Variants in MID1 observed in about 807,000 individuals in gnomAD.
The protein encoded by MID1 is midline 1, also known as E3 ubiquitin-protein ligase Midline-1.
Under a neutral mutation model 40.4 loss-of-function variants are expected in MID1, and 7 were observed. The ratio of observed to expected loss-of-function variants is 0.17; its 90% CI spans 0.10 to 0.33. The LOEUF is 0.33. MID1 is among the 10% of genes least tolerant of loss of function. The probability of loss-of-function intolerance (pLI) is 1.00; values close to 1 mark genes in which losing one functional copy is unlikely to be tolerated. For missense variants in MID1, 367 were observed against 558.5 expected, an observed-to-expected ratio of 0.66 and a Z score of 3.46; for synonymous variants, 229 against 221.2, an observed-to-expected ratio of 1.04 and a Z score of -0.31.
At chrX:10,581,722 A>G (rs1308669788) in intron 1 of MID1, among the ~76,000 whole-genome samples, 1 of 112,386 alleles carries the variant, frequency 8.9e-6, no homozygotes, top group Non-Finnish European at 1.9e-5. Flanking sequence ...CAGTATGTGA[A>G]TGTGAAATGA....
intron 1 of MID1, among the ~76,000 whole-genome samples, chrX:10,742,026 T>C (rs964636843): frequency 9.0e-6 from 1 of 111,151 alleles, no homozygotes; most frequent in African/African-American, 3.3e-5. Flanking sequence ...ATTTTCCAAC[T>C]CAGGTCCTTT....
At chrX:10,635,234 T>C (rs901044666) in intron 1 of MID1, among the ~76,000 whole-genome samples, 1 of 112,167 alleles carries the variant, frequency 8.9e-6, no homozygotes, top group African/African-American at 3.2e-5. Context: ...TGACATACTG[T>C]AGCTGCCAGT....
chrX:10,480,496 G>C (rs962574097), intron 5 of MID1, among the ~76,000 whole-genome samples: 1 of 112,485 alleles, frequency 8.9e-6, no homozygotes, highest in Admixed American at 9.4e-5. Context: ...TTCATAGATG[G>C]AGAAAAGTAC....
rs1204351766 is a variant in MID1, at chrX:10,641,723, T to A, written c.-186-21304A>T. On this transcript the variant is annotated intron_variant, in intron 1 of 10. Coordinates refer to the MID1 transcript ENST00000380785. ...GCAGAGACACAACAAAAAAAGAGAA[T>A]TTTAGACCAATATCCCTGATGAACA... Among the ~76,000 whole-genome samples, 9 of 111,630 alleles carry A rather than the reference T, an allele frequency of 8.1e-5. 1 individual carries two copies. The highest frequency in any genetic ancestry group is 1.7e-4 in the Non-Finnish European group (9 of 53,141).
chrX:10,725,416 C>A (rs1026987217), intron 1 of MID1, among the ~76,000 whole-genome samples: 1 of 110,983 alleles, frequency 9.0e-6, no homozygotes, highest in Non-Finnish European at 1.9e-5. Context: ...ATATTTTTCC[C>A]GAGGGAAAAA....
At chrX:10,831,879 A>C (rs1655168897) in intron 1 of MID1, among the ~76,000 whole-genome samples, 1 of 112,204 alleles carries the variant, frequency 8.9e-6, no homozygotes, top group African/African-American at 3.2e-5. Flanking sequence ...GTACATATCA[A>C]CTCACAGGAA....
At chrX:10,725,264 CT>C (rs1172839381) in intron 1 of MID1, among the ~76,000 whole-genome samples, 1 of 111,827 alleles carries the variant, frequency 8.9e-6, no homozygotes, top group African/African-American at 3.3e-5. Flanking sequence ...AGCTATACTT[CT>C]TTGTACCGCT....
At chrX:10,656,839 C>T (rs1049786901) in intron 1 of MID1, among the ~76,000 whole-genome samples, 6 of 110,531 alleles carry the variant, frequency 5.4e-5, no homozygotes, top group African/African-American at 2.0e-4. Flanking sequence ...TTGCAGGCAC[C>T]CGTGGAGTCT....
In MID1 at chrX:10,566,918, T is replaced by C; in HGVS notation, c.630A>G (p.Ala210=). 8.3e-7 allele frequency: 1 copy of C among 1,211,837 alleles called. No homozygotes were observed. Among genetic ancestry groups the C allele is most frequent in the Middle Eastern group, 2.3e-4 (1 of 4,356 alleles). The change falls in exon 2 of 10, where the codon GCA becomes GCG. Residue 210 remains alanine (A), a synonymous_variant. Transcript: ENST00000317552. ...LVGRHRDHQV[A]ALSERYDKLK... ...ATTTGTCATAGCGCTCACTCAAAGC[T>C]GCCACCTGATGATCGCGGTGCCGCC... is the stretch of plus-strand genomic sequence containing the variant.
chrX:10,661,603 G>A (rs1488595751), intron 1 of MID1, among the ~76,000 whole-genome samples: 8 of 110,953 alleles, frequency 7.2e-5, no homozygotes, highest in Non-Finnish European at 1.5e-4. Context: ...ATGAGCCACC[G>A]CACCCGGCAT....
chrX:10,709,405 T>C (rs1381140170), intron 1 of MID1, among the ~76,000 whole-genome samples: 1 of 112,324 alleles, frequency 8.9e-6, no homozygotes, highest in Non-Finnish European at 1.9e-5. Flanking sequence ...ATGAACTGCA[T>C]GGTTGTTATT....
At chrX:10,649,399 G>A (rs1936294762) in intron 1 of MID1, among the ~76,000 whole-genome samples, 1 of 111,950 alleles carries the variant, frequency 8.9e-6, no homozygotes, top group African/African-American at 3.2e-5. Context: ...TGGTTGAAGG[G>A]AAGATGTGAG....
intron 1 of MID1, among the ~76,000 whole-genome samples, chrX:10,678,649 G>A (rs148686922): frequency 0.024 from 2,710 of 111,582 alleles, 36 homozygotes; most frequent in African/African-American, 0.047. Context: ...GGGACAGAGG[G>A]CCCATCTCCT....
chrX:10,516,625 T>C (rs1391494266), intron 3 of MID1, among the ~76,000 whole-genome samples: 2 of 103,953 alleles, frequency 1.9e-5, no homozygotes, highest in Non-Finnish European at 3.9e-5. Context: ...CGCGCACGCG[T>C]GTGTTTTAAG....
At chrX:10,763,301 C>T (rs1191901630) in intron 1 of MID1, among the ~76,000 whole-genome samples, 1 of 109,469 alleles carries the variant, frequency 9.1e-6, no homozygotes. Context: ...TCTCCCAATG[C>T]TATCCCTCCC....
Position 10,457,735 on chromosome X carries a change from G to C in MID1, c.1447+1911C>G, listed in dbSNP as rs771632823. ...CTGGTGTGGCCCAGGAGGCTTTCGC[G>C]ATCTGTTCTTGTCTCCAGCCTCCTG... On this transcript the variant is annotated intron_variant, in intron 8 of 9. Transcript: ENST00000317552. Among the ~76,000 whole-genome samples, 10 of 112,264 alleles carry C rather than the reference G, an allele frequency of 8.9e-5. No homozygotes were observed. The East Asian group carries it at 2.5e-3, about 28-fold the overall frequency.
chrX:10,690,846 T>C (rs149261184), intron 1 of MID1, among the ~76,000 whole-genome samples: 2,164 of 109,025 alleles, frequency 0.02, 51 homozygotes, highest in African/African-American at 0.072. Context: ...TGGAAGGCAA[T>C]TTATTCAATG....
intron 1 of MID1, among the ~76,000 whole-genome samples, chrX:10,789,037 A>AACAC (rs1397421175): frequency 1.8e-5 from 2 of 110,175 alleles, no homozygotes; most frequent in African/African-American, 6.7e-5. Flanking sequence ...CAAATAAACA[A>AACAC]AAAAAATCAG....
intron 1 of MID1, among the ~76,000 whole-genome samples, chrX:10,608,050 G>A (rs1322057862): frequency 2.7e-5 from 3 of 112,306 alleles, no homozygotes; most frequent in Non-Finnish European, 3.8e-5. Flanking sequence ...CAATACAAAT[G>A]AGACACCACT....
Sources: allele counts gnomAD v4.1 joint callset (sites outside exome capture counted in the v4.1 genomes callset), GRCh38; gene constraint gnomAD v4.1.1; transcripts MANE v1.5; gene names NCBI Gene and HGNC (gene_info 2026-07-23, HGNC 2026-07-21).